PITPNM3: variants seen among roughly 807,000 people sequenced by gnomAD.
PITPNM3 encodes PITPNM family member 3.
Under a neutral mutation model 102.0 loss-of-function variants are expected in PITPNM3, and 26 were observed. The ratio of observed to expected loss-of-function variants is 0.25; its 90% CI spans 0.19 to 0.35. The LOEUF (loss-of-function observed/expected upper bound fraction) is 0.35, where lower values mean the gene tolerates loss of function less well. Ranked by LOEUF, PITPNM3 falls within the 10% of genes least tolerant of loss-of-function variation. The pLI, the probability that PITPNM3 is intolerant of heterozygous loss-of-function variation, is 1.00. For missense variants in PITPNM3, 1,083 were observed against 1,346.1 expected, an observed-to-expected ratio of 0.80 and a Z score of 3.06; for synonymous variants, 578 against 558.6, an observed-to-expected ratio of 1.03 and a Z score of -0.49.
intron 3 of PITPNM3, among the ~76,000 whole-genome samples, chr17:6,510,406 A>G (rs990702887): frequency 1.3e-5 from 2 of 152,096 alleles, no homozygotes; most frequent in Non-Finnish European, 2.9e-5. Context: ...ACCCCAGCAA[A>G]GCCTCCTTAC....
At chr17:6,482,412 G>A (rs1200991972) in intron 6 of PITPNM3, among the ~76,000 whole-genome samples, 1 of 152,120 alleles carries the variant, frequency 6.6e-6, no homozygotes, top group Non-Finnish European at 1.5e-5. Flanking sequence ...CACACCTAGG[G>A]AAGCTCCGTG....
intron 1 of PITPNM3, among the ~76,000 whole-genome samples, chr17:6,555,628 A>AG (rs1422157423): frequency 3.3e-5 from 5 of 152,170 alleles, no homozygotes; most frequent in African/African-American, 9.7e-5. Context: ...TGGGCGCAGC[A>AG]GGGGGGCTGA....
intron 3 of PITPNM3, among the ~76,000 whole-genome samples, chr17:6,505,462 G>A (rs1907446213): frequency 6.6e-6 from 1 of 152,126 alleles, no homozygotes; most frequent in Non-Finnish European, 1.5e-5. Flanking sequence ...CCCAGATAGA[G>A]AACAGAGACC....
At chr17:6,545,525 A>T (rs1360867156) in intron 1 of PITPNM3, among the ~76,000 whole-genome samples, 5 of 152,148 alleles carry the variant, frequency 3.3e-5, no homozygotes, top group African/African-American at 9.7e-5. Context: ...ACTGCAGGCC[A>T]GGACCTGCTC....
Position 6,556,310 on chromosome 17 carries a change from G to A in PITPNM3, c.22+75C>T. On this transcript the variant is annotated intron_variant, in intron 1 of 19. Transcript: ENST00000262483. This position sits in a 1 kb window ranked among gnomAD's most constrained non-coding sequence, Gnocchi z 5.2. ...CCACCTGCGCGAGGGGTTCACCTGG[G>A]CCGGCGGCCCCTCCTCTAGACGCGC... is the stretch of plus-strand genomic sequence containing the variant. 7.7e-7 allele frequency: 1 copy of A among 1,293,026 alleles called. No homozygotes were observed. The allele number at this position is 1,293,026 out of a possible 1,614,324, so 80.1% of individuals were successfully genotyped here.
At position 6,556,265 on chromosome 17, in the gene PITPNM3, C is replaced by A; in HGVS notation, c.22+120G>T. Reference sequence around the variant, plus strand: ...GGTCCAGCCCCGCTACCGCCCCCTACGCCCTCCCGGGACCTCCGCCCACCT... The same window carrying A: ...GGTCCAGCCCCGCTACCGCCCCCTAAGCCCTCCCGGGACCTCCGCCCACCT... On this transcript the variant is annotated intron_variant, in intron 1 of 19. Coordinates refer to ENST00000262483, the MANE Select transcript of PITPNM3 (RefSeq NM_031220.4). The surrounding 1 kb of genome is among the most constrained non-coding windows in gnomAD (Gnocchi z 5.2). 1 of 803,424 alleles carries A rather than the reference C, an allele frequency of 1.2e-6. No individual in the cohort carries two copies. Among genetic ancestry groups the A allele is most frequent in the South Asian group, 2.5e-5 (1 of 39,792 alleles). The allele number at this position is 803,424 out of a possible 1,614,324, so 49.8% of individuals were successfully genotyped here. A position where few individuals can be genotyped will look rare whatever the true frequency, so the allele number is the denominator to read the frequency against.
chr17:6,535,014 A>G (rs1225320251), intron 2 of PITPNM3, among the ~76,000 whole-genome samples: 1 of 152,086 alleles, frequency 6.6e-6, no homozygotes, highest in African/African-American at 2.4e-5. Flanking sequence ...ATAGACATCC[A>G]TGGCAGCCAA....
intron 3 of PITPNM3, among the ~76,000 whole-genome samples, chr17:6,507,062 C>A (rs1333997912): frequency 6.6e-6 from 1 of 152,146 alleles, no homozygotes; most frequent in Non-Finnish European, 1.5e-5. Flanking sequence ...AGCACCTAAC[C>A]TCAGCCCTGC....
chr17:6,486,569 T>C (rs1250456965), intron 4 of PITPNM3, among the ~76,000 whole-genome samples: 2 of 152,210 alleles, frequency 1.3e-5, no homozygotes, highest in East Asian at 1.9e-4. Context: ...AGCTCCGAGC[T>C]ACTGCCCACA....
chr17:6,470,675 C>T lies in PITPNM3; in HGVS notation c.1625-267G>A, dbSNP rs903080255. 1.3e-5 allele frequency among the ~76,000 whole-genome samples: 2 copies of T among 152,198 alleles called. No homozygotes were observed. The highest frequency in any genetic ancestry group is 2.9e-5 in the Non-Finnish European group (2 of 68,036). On this transcript the variant is annotated intron_variant, in intron 12 of 19. Transcript: ENST00000262483. This position sits in a 1 kb window ranked among gnomAD's most constrained non-coding sequence, Gnocchi z 4.8. The stretch of plus-strand genomic sequence containing the variant: ...ACCCACAGAGACGTCCACAGTCTCA[C>T]CCAGGGCCGCCGCTCAGTGGCAGTT...
Position 6,468,353 on chromosome 17 carries a change from C to G in PITPNM3, c.1774-12G>C. 1.9e-6 allele frequency: 3 copies of G among 1,613,242 alleles called. No individual in the cohort carries two copies. In the South Asian group the frequency reaches 3.3e-5, roughly 18 times the overall value. On this transcript the variant is annotated splice_polypyrimidine_tract_variant and intron_variant, in intron 13 of 19. Coordinates refer to ENST00000262483, the MANE Select transcript of PITPNM3 (RefSeq NM_031220.4). The surrounding 1 kb of genome is among the most constrained non-coding windows in gnomAD (Gnocchi z 5.2). ...TCATAGCGCATTACCTAGCCAAGAG[C>G]CGAGCAGGGCCCCGGTCAGGTCTTC...
chr17:6,455,554 C>A lies in PITPNM3; in HGVS notation c.2709G>T (p.Leu903=). Residue 903 remains leucine (L), a synonymous_variant, in exon 20 of 20, where the codon CTG becomes CTT. Coordinates refer to ENST00000262483, the MANE Select transcript of PITPNM3 (RefSeq NM_031220.4). The stretch of plus-strand genomic sequence containing the variant: ...CGTGCAGCCCGAAGCTGCCCTTGCG[C>A]AGGATCATGCGCGAGTTGTTCTTCT... ...RPKKNNSRMI[L]RKGSFGLHAQ... 1 of 1,603,100 alleles carries A rather than the reference C, an allele frequency of 6.2e-7. No individual in the cohort carries two copies. The highest frequency in any genetic ancestry group is 8.5e-7 in the Non-Finnish European group (1 of 1,179,370).
chr17:6,500,855 T>C (rs1907126534), intron 4 of PITPNM3, among the ~76,000 whole-genome samples: 1 of 152,156 alleles, frequency 6.6e-6, no homozygotes, highest in Non-Finnish European at 1.5e-5. Context: ...TTTGTATTTT[T>C]AGTAGAGACA....
At chr17:6,513,607 T>G (rs1907992698) in intron 3 of PITPNM3, among the ~76,000 whole-genome samples, 1 of 152,188 alleles carries the variant, frequency 6.6e-6, no homozygotes, top group Admixed American at 6.5e-5. Flanking sequence ...GTGCAAGACT[T>G]GTACACTGAA....
At chr17:6,514,726 T>C (rs1908057163) in intron 3 of PITPNM3, among the ~76,000 whole-genome samples, 1 of 152,202 alleles carries the variant, frequency 6.6e-6, no homozygotes, top group African/African-American at 2.4e-5. Context: ...AGAATTACCA[T>C]ATGATATAGC....
At position 6,472,837 on chromosome 17, in the gene PITPNM3, G is replaced by A. The variant is rs367606152; in HGVS notation, c.1259-10C>T. 18 of 1,613,758 alleles carry A rather than the reference G, an allele frequency of 1.1e-5. No individual in the cohort carries two copies. In the African/African-American group the frequency reaches 2.4e-4, roughly 22 times the overall value. On this transcript the variant is annotated splice_polypyrimidine_tract_variant and intron_variant, in intron 10 of 19. Transcript: ENST00000262483. This position sits in a 1 kb window ranked among gnomAD's most constrained non-coding sequence, Gnocchi z 4.1. ...GGACGCACCTGGAAGCCTGGGGTGAGTGGGAAGACAGAGGGAAGCCACTTT... is the reference window on the plus strand; with the variant it reads ...GGACGCACCTGGAAGCCTGGGGTGAATGGGAAGACAGAGGGAAGCCACTTT...
intron 3 of PITPNM3, 124 bp from the exon 4 acceptor site, chr17:6,503,698 T>A (rs1597388992): frequency 3.1e-6 from 3 of 962,190 alleles, no homozygotes; most frequent in East Asian, 2.5e-5. Flanking sequence ...GGCAGAAGTA[T>A]CTCCTACCAC....
chr17:6,466,272 G>A (rs1005540055), intron 14 of PITPNM3, among the ~76,000 whole-genome samples: 7 of 152,172 alleles, frequency 4.6e-5, no homozygotes, highest in Admixed American at 1.3e-4. Context: ...AACACTCCTC[G>A]GACTCCTCAA....
chr17:6,494,321 G>C (rs1354228309), intron 4 of PITPNM3, among the ~76,000 whole-genome samples: 6 of 152,156 alleles, frequency 3.9e-5, no homozygotes, highest in Non-Finnish European at 4.4e-5. Flanking sequence ...TGCCTCCTCA[G>C]GGAGACTCTT....
Sources: gnomAD v4.1 joint callset for allele counts (sites outside exome capture counted in the v4.1 genomes callset) on GRCh38, gnomAD v4.1.1 for gene constraint, Gnocchi (gnomAD v3.1) non-coding constraint, MANE v1.5 for transcripts, NCBI Gene and HGNC (gene_info 2026-07-23, HGNC 2026-07-21) for gene names.